HMGA2: variants seen among roughly 807,000 people sequenced by gnomAD.
HMGA2 encodes high mobility group AT-hook 2, also known as high mobility group protein HMGI-C.
HMGA2 carries 8 observed loss-of-function variants against 19.1 expected under a neutral mutation model. The observed-to-expected ratio is 0.42, with a 90% CI of 0.25 to 0.76. The LOEUF (loss-of-function observed/expected upper bound fraction) is 0.76, where lower values mean the gene tolerates loss of function less well. Ranked by LOEUF, HMGA2 falls within the 30% of genes least tolerant of loss-of-function variation. HMGA2 has a pLI of 0.28. For missense variants in HMGA2, 109 were observed against 136.3 expected (o/e 0.80, Z 1.00); for synonymous variants, 60 against 48.8 (o/e 1.23, Z -0.96).
intron 4 of HMGA2, chr12:65,953,270 G>A (rs2121316298): frequency 6.6e-6 from 1 of 152,298 alleles, no homozygotes; most frequent in African/African-American, 2.4e-5. Flanking sequence ...CTGAACATTT[G>A]TTGAGCAAAT....
Position 65,963,578 on chromosome 12 carries a change from TC to T in HMGA2, c.*287del. 1 of 462,074 alleles carries T rather than the reference TC, an allele frequency of 2.2e-6. No individual in the cohort carries two copies. Among genetic ancestry groups the T allele is most frequent in the Admixed American group, 3.9e-5 (1 of 25,344 alleles). The allele number at this position is 462,074 out of a possible 1,614,324, so 28.6% of individuals were successfully genotyped here. ...ACAATGCAACTTTTAATTACTGTTTTCTTTTTTCTTAACCTACTAATAGTTT... is the reference window on the plus strand; with the variant it reads ...ACAATGCAACTTTTAATTACTGTTTTTTTTTTCTTAACCTACTAATAGTTT... On this transcript the variant is annotated 3_prime_UTR_variant, in exon 5 of 5. Transcript: ENST00000403681.
At chr12:65,888,626 C>G (rs1267357766) in intron 3 of HMGA2, among the ~76,000 whole-genome samples, 3 of 110,962 alleles carry the variant, frequency 2.7e-5, no homozygotes, top group Non-Finnish European at 5.1e-5. Context: ...TGCAGTGGCG[C>G]GATCTCTGCT....
intron 3 of HMGA2, among the ~76,000 whole-genome samples, chr12:65,919,184 C>G (rs1386375950): frequency 6.6e-6 from 1 of 152,176 alleles, no homozygotes; most frequent in Admixed American, 6.5e-5. Flanking sequence ...AAATGGAAGA[C>G]AGAAAGCACT....
At chr12:65,831,978 G>C (rs1870499464) in intron 2 of HMGA2, among the ~76,000 whole-genome samples, 1 of 151,862 alleles carries the variant, frequency 6.6e-6, no homozygotes, top group African/African-American at 2.4e-5. Context: ...CTATGATTTA[G>C]TTTAATTCCT....
At chr12:65,842,160 T>C in intron 3 of HMGA2, 1 of 1,249,806 alleles carries the variant, frequency 8.0e-7, no homozygotes, top group Non-Finnish European at 1.1e-6. Context: ...TGGATTCAGA[T>C]GGCTTGGGTT....
chr12:65,939,228 A>G (rs1592458273), intron 3 of HMGA2, among the ~76,000 whole-genome samples: 1 of 152,288 alleles, frequency 6.6e-6, no homozygotes, highest in African/African-American at 2.4e-5. Flanking sequence ...GCTCTGCTCA[A>G]TGTTTGTAAA....
At chr12:65,916,050 C>A (rs1054152428) in intron 3 of HMGA2, among the ~76,000 whole-genome samples, 1 of 152,098 alleles carries the variant, frequency 6.6e-6, no homozygotes, top group African/African-American at 2.4e-5. Context: ...AGAGGAGTAC[C>A]GTGCTGTCAT....
At chr12:65,898,841 G>A (rs553205516) in intron 3 of HMGA2, among the ~76,000 whole-genome samples, 2 of 151,858 alleles carry the variant, frequency 1.3e-5, no homozygotes, top group Non-Finnish European at 2.9e-5. Flanking sequence ...TCAGGAGATC[G>A]AGACCATCCT....
rs573393509 is a variant in HMGA2 at position 65,892,606 on chromosome 12, T to C, written c.249+54037T>C. On this transcript the variant is annotated intron_variant, in intron 3 of 4. Transcript: ENST00000403681. ...TAAGTATCCTGGTGAAAGAGTCATC[T>C]GTGTTGGGTGACCAAAGCGAGGGGA... 2.6e-4 allele frequency among the ~76,000 whole-genome samples: 39 copies of C among 152,308 alleles called. No individual in the cohort carries two copies. In the South Asian group the frequency reaches 7.7e-3, roughly 30 times the overall value.
chr12:65,948,743 CACGGA>C, intron 3 of HMGA2, among the ~76,000 whole-genome samples: 1 of 152,150 alleles, frequency 6.6e-6, no homozygotes, highest in Admixed American at 6.5e-5. Context: ...AGTTCCGTGA[CACGGA>C]CTAGGCCGGG....
At chr12:65,865,563 A>T (rs1282261315) in intron 3 of HMGA2, among the ~76,000 whole-genome samples, 1 of 151,074 alleles carries the variant, frequency 6.6e-6, no homozygotes, top group Non-Finnish European at 1.5e-5. Context: ...CTAGAATAAC[A>T]TTTCTCCATT....
intron 3 of HMGA2, among the ~76,000 whole-genome samples, chr12:65,862,591 A>G (rs1248844289): frequency 6.6e-6 from 1 of 152,226 alleles, no homozygotes; most frequent in African/African-American, 2.4e-5. Context: ...CAAAAATTAA[A>G]AAAGTGTTAA....
At chr12:65,906,447 T>C (rs1874596227) in intron 3 of HMGA2, among the ~76,000 whole-genome samples, 1 of 152,242 alleles carries the variant, frequency 6.6e-6, no homozygotes, top group Non-Finnish European at 1.5e-5. Flanking sequence ...CATTCATTAA[T>C]AAGTGTGTAG....
chr12:65,828,355 G>A, intron 2 of HMGA2: 3 of 202,594 alleles, frequency 1.5e-5, no homozygotes, highest in South Asian at 7.3e-5. Context: ...GGGTAGAAGT[G>A]AGGAAGGAAG....
chr12:65,894,527 T>A (rs1874044321), intron 3 of HMGA2, among the ~76,000 whole-genome samples: 1 of 152,222 alleles, frequency 6.6e-6, no homozygotes, highest in Admixed American at 6.5e-5. Flanking sequence ...TTTTACATGG[T>A]CAAATCTAAG....
intron 3 of HMGA2, among the ~76,000 whole-genome samples, chr12:65,891,530 G>A (rs973595227): frequency 3.9e-5 from 6 of 152,194 alleles, no homozygotes; most frequent in Non-Finnish European, 2.9e-5. Context: ...TCCTACGGCT[G>A]TTAATCTGGC....
At chr12:65,887,121 G>A (rs1297039356) in intron 3 of HMGA2, among the ~76,000 whole-genome samples, 2 of 152,118 alleles carry the variant, frequency 1.3e-5, no homozygotes, top group Admixed American at 1.3e-4. Context: ...CACAAACGCT[G>A]ACTCCCCCCC....
intron 4 of HMGA2, chr12:65,952,648 CA>C: frequency 2.0e-6 from 1 of 501,200 alleles, no homozygotes; most frequent in South Asian, 5.9e-5. Context: ...TACATATAAA[CA>C]AAAACTTGAC....
intron 3 of HMGA2, among the ~76,000 whole-genome samples, chr12:65,860,950 G>A (rs1443480638): frequency 6.6e-6 from 1 of 152,320 alleles, no homozygotes; most frequent in Admixed American, 6.5e-5. Flanking sequence ...AGGCTAAGCT[G>A]AAGCTGCCAC....
Sources: allele counts gnomAD v4.1 joint callset (sites outside exome capture counted in the v4.1 genomes callset), GRCh38; gene constraint gnomAD v4.1.1; transcripts MANE v1.5; gene names NCBI Gene and HGNC (gene_info 2026-07-23, HGNC 2026-07-21).